The following ALLC variants were observed in gnomAD, a reference collection of about 807,000 sequenced individuals.
ALLC encodes the protein probable inactive allantoicase.
ALLC carries 40 observed loss-of-function variants against 45.0 expected under a neutral mutation model. The ratio of observed to expected loss-of-function variants is 0.89; its 90% confidence interval spans 0.69 to 1.16. The LOEUF (loss-of-function observed/expected upper bound fraction) is 1.16, where lower values mean the gene tolerates loss of function less well. Among genes scored for constraint, ALLC ranks in the 50% most tolerant of loss-of-function variants. The pLI is 0.00. For synonymous variants in ALLC, 176 were observed against 178.1 expected (o/e 0.99, Z 0.09); for missense variants, 488 against 493.1 (o/e 0.99, Z 0.10).
chr2:3,661,014 T>G (rs372698699), intron 1 of ALLC, among the ~76,000 whole-genome samples: 18 of 152,324 alleles, frequency 1.2e-4, no homozygotes, highest in African/African-American at 3.8e-4. Context: ...TATCTAACAC[T>G]GTTTTTTTCA....
rs1667706901 is a variant in ALLC at position 3,697,542 on chromosome 2, T to C, written c.850+86T>C. 3 of 1,096,018 alleles carry C rather than the reference T, an allele frequency of 2.7e-6. No homozygotes were observed. In the Admixed American group the frequency reaches 5.7e-5, roughly 21 times the overall value. 67.9% of individuals were successfully genotyped at this position (1,096,018 alleles called of 1,614,324 possible). ...TCTATGGAAGTGGGACTGAGGACAC[T>C]GGACTTTCGGTGTGGATTCCCCGTT... On this transcript the variant is annotated intron_variant, in intron 10 of 11. Coordinates refer to ENST00000252505, the MANE Select transcript of ALLC (RefSeq NM_018436.4).
the ALLC span, among the ~76,000 whole-genome samples, chr2:3,651,434 T>A: frequency 3.3e-5 from 2 of 60,566 alleles, no homozygotes; most frequent in African/African-American, 5.1e-5. Context: ...TGTGTGTGTG[T>A]GTGTGTGTTA....
Position 3,696,306 on chromosome 2 carries a change from T to C in ALLC, c.699T>C (p.Gly233=). Residue 233 remains glycine, a synonymous_variant, in exon 9 of 12, where the codon GGT becomes GGC. Transcript: ENST00000252505. ...GVGGAKSMAD[G]WETARRLDRP... is the part of the protein sequence containing the mutation. The stretch of plus-strand genomic sequence containing the variant: ...GCGGGGCAAAGTCTATGGCGGATGG[T>C]TGGGAAACTGCAAGAAGGCTGGACC... The C allele has an allele frequency of 6.2e-7, 1 of 1,613,754 alleles. No homozygotes were observed. Among genetic ancestry groups the C allele is most frequent in the Non-Finnish European group, 8.5e-7 (1 of 1,179,758 alleles).
At chr2:3,677,613 C>T (rs1361286395) in intron 3 of ALLC, among the ~76,000 whole-genome samples, 4 of 152,286 alleles carry the variant, frequency 2.6e-5, no homozygotes, top group African/African-American at 4.8e-5. Context: ...CCGTTGGCCA[C>T]GGGTCCCCTG....
intron 7 of ALLC, among the ~76,000 whole-genome samples, chr2:3,685,632 AG>A (rs1329634374): frequency 6.6e-6 from 1 of 150,910 alleles, no homozygotes. Context: ...ATTAGAGATG[AG>A]GTTTGAGTGG....
At position 3,679,995 on chromosome 2, in the gene ALLC, G is replaced by T. The variant is rs1026434478; in HGVS notation, c.298+1G>T. 1.9e-5 allele frequency: 31 copies of T among 1,613,824 alleles called. No individual in the cohort carries two copies. Among genetic ancestry groups the T allele is most frequent in the Non-Finnish European group, 2.5e-5 (29 of 1,179,804 alleles). ...ATTCAAGCAGCAAACTTGGAAGAAG[G>T]TGCGTTAGGAACCACTGTCCCCAAA... is the stretch of plus-strand genomic sequence containing the variant. On this transcript the variant is annotated splice_donor_variant, in intron 5 of 11. Coordinates refer to ENST00000252505, the MANE Select transcript of ALLC (RefSeq NM_018436.4). LOFTEE classifies it high-confidence loss of function.
chr2:3,684,950 T>A (rs1667286912), intron 7 of ALLC, among the ~76,000 whole-genome samples: 1 of 152,334 alleles, frequency 6.6e-6, no homozygotes, highest in South Asian at 2.1e-4. Context: ...TTAAAATCTA[T>A]TCCTCTGTTA....
At chr2:3,655,832 T>G (rs1266695547), upstream of ALLC, among the ~76,000 whole-genome samples, 2 of 152,126 alleles carry the variant, frequency 1.3e-5, no homozygotes, top group African/African-American at 4.8e-5. Context: ...CTCTTGCAGC[T>G]GGAGCCATAA....
At chr2:3,698,973 A>C (rs1667754529) in intron 10 of ALLC, among the ~76,000 whole-genome samples, 1 of 152,156 alleles carries the variant, frequency 6.6e-6, no homozygotes, top group South Asian at 2.1e-4. Flanking sequence ...TAATTATTTC[A>C]AGAAGTCTTG....
At chr2:3,672,209 C>T (rs1666897681) in intron 2 of ALLC, among the ~76,000 whole-genome samples, 1 of 119,980 alleles carries the variant, frequency 8.3e-6, no homozygotes, top group Non-Finnish European at 1.8e-5. Flanking sequence ...ATGGGAGGTC[C>T]TCTGGTTCTG....
intron 6 of ALLC, 135 bp downstream of exon 6, chr2:3,681,848 C>A: frequency 1.5e-6 from 1 of 648,848 alleles, no homozygotes. Flanking sequence ...TTTGCTTACC[C>A]ACTGTGGCCT....
intron 7 of ALLC, among the ~76,000 whole-genome samples, chr2:3,684,439 G>A (rs189375883): frequency 6.6e-6 from 1 of 152,216 alleles, no homozygotes; most frequent in African/African-American, 2.4e-5. Context: ...ATTTCAACAG[G>A]TTTTTGGGGG....
In ALLC at chr2:3,702,025, C is replaced by T. The variant is rs568418703; in HGVS notation, c.976-338C>T. Among the ~76,000 whole-genome samples the T allele has an allele frequency of 2.6e-5, 4 of 152,202 alleles. No homozygotes were observed. The South Asian group carries it at 8.3e-4, about 32-fold the overall frequency. On this transcript the variant is annotated intron_variant, in intron 11 of 11. Coordinates refer to ENST00000252505, the MANE Select transcript of ALLC (RefSeq NM_018436.4). The stretch of plus-strand genomic sequence containing the variant: ...GGTCAGGCTAGAGGTGAGAGCTGCT[C>T]CCATGTAAAGATAGGAAATAATCTC...
chr2:3,654,307 G>C (rs571664498), upstream of ALLC, among the ~76,000 whole-genome samples: 4 of 152,236 alleles, frequency 2.6e-5, no homozygotes, highest in East Asian at 5.8e-4. Flanking sequence ...GGTGGACTGC[G>C]ACTGTGGCTG....
intron 7 of ALLC, among the ~76,000 whole-genome samples, chr2:3,691,905 A>T (rs190942974): frequency 1.4e-4 from 21 of 151,992 alleles, no homozygotes; most frequent in African/African-American, 5.1e-4. Context: ...CCTCTAATGA[A>T]TTTTTTGGTT....
chr2:3,650,654 A>T, the ALLC span, among the ~76,000 whole-genome samples: 1 of 152,100 alleles, frequency 6.6e-6, no homozygotes, highest in African/African-American at 2.4e-5. Context: ...GGCGTCTCGC[A>T]CTTGTCTGGG....
chr2:3,674,004 A>C (rs1666957067), intron 2 of ALLC, 71 bp from the exon 3 acceptor site: 1 of 1,160,932 alleles, frequency 8.6e-7, no homozygotes, highest in Admixed American at 2.3e-5. Context: ...ATAATGTTTC[A>C]CTAGGGAATG....
Position 3,689,556 on chromosome 2 carries a change from T to C in ALLC, c.512-6161T>C, listed in dbSNP as rs148427588. On this transcript the variant is annotated intron_variant, in intron 7 of 11. Transcript: ENST00000252505. ...ATTGATTTCTAGTTTTATTCCATTA[T>C]GGTCAGAAAAGATACTTGATATGAT... Among the ~76,000 whole-genome samples the C allele has an allele frequency of 5.6e-4, 85 of 151,380 alleles. 3 individuals are homozygous for C. Among genetic ancestry groups the C allele is most frequent in the African/African-American group, 1.9e-3 (79 of 41,490 alleles).
At chr2:3,646,614 G>A in the ALLC span, among the ~76,000 whole-genome samples, 2 of 152,220 alleles carry the variant, frequency 1.3e-5, no homozygotes, top group Non-Finnish European at 2.9e-5. Flanking sequence ...AGGTGCCGCT[G>A]CCTCGCCTGC....
Sources: gnomAD v4.1 joint callset for allele counts (sites outside exome capture counted in the v4.1 genomes callset) on GRCh38, gnomAD v4.1.1 for gene constraint, MANE v1.5 for transcripts, NCBI Gene and HGNC (gene_info 2026-07-23, HGNC 2026-07-21) for gene names.